The following JAK1 variants were observed in gnomAD, a reference collection of about 807,000 sequenced individuals.
The protein encoded by JAK1 is tyrosine-protein kinase JAK1.
JAK1 carries 16 observed loss-of-function variants against 136.6 expected under a neutral mutation model. That is an observed-to-expected ratio of 0.12 (90% confidence interval 0.08 to 0.18). The LOEUF (loss-of-function observed/expected upper bound fraction) is 0.18, where lower values mean the gene tolerates loss of function less well. Ranked by LOEUF, JAK1 falls within the 10% of genes least tolerant of loss-of-function variation. JAK1 has a pLI of 1.00. For missense variants in JAK1, 859 were observed against 1,450.1 expected (o/e 0.59, Z 6.62); for synonymous variants, 492 against 519.5 (o/e 0.95, Z 0.72).
chr1:64,835,639 T>A (rs571518631), intron 23 of JAK1, 133 bp from the exon 24 acceptor site: 2 of 638,024 alleles, frequency 3.1e-6, no homozygotes, highest in Admixed American at 6.2e-5. Flanking sequence ...CCTTAGTAAC[T>A]TTAAATAAAA....
chr1:65,053,172 C>T (rs931141902), intron 1 of JAK1, among the ~76,000 whole-genome samples: 2 of 151,172 alleles, frequency 1.3e-5, no homozygotes, highest in African/African-American at 4.9e-5. Flanking sequence ...ATGGCGAAAC[C>T]CCATCTCTAA....
chr1:64,850,314 G>A (rs1655507094), intron 12 of JAK1, among the ~76,000 whole-genome samples: 2 of 152,200 alleles, frequency 1.3e-5, no homozygotes, highest in East Asian at 1.9e-4. Context: ...CAAAGACTGG[G>A]ATCTGTTTCT....
chr1:64,839,390 C>A, intron 20 of JAK1: 1 of 454,896 alleles, frequency 2.2e-6, no homozygotes, highest in Admixed American at 4.2e-5. Context: ...TGGAACCAGC[C>A]CCTGGATGGA....
At chr1:64,935,275 GA>G (rs2100477521) in intron 1 of JAK1, among the ~76,000 whole-genome samples, 1 of 152,248 alleles carries the variant, frequency 6.6e-6, no homozygotes, top group African/African-American at 2.4e-5. Flanking sequence ...ATCAGCAGAT[GA>G]AATGAGAAAG....
At chr1:64,970,151 A>AAAAAAAC (rs1256701898), upstream of JAK1, among the ~76,000 whole-genome samples, 1,154 of 148,110 alleles carry the variant, frequency 7.8e-3, 56 homozygotes, top group African/African-American at 0.028. Context: ...AAAAAAAAAA[A>AAAAAAAC]AAAACGGCCG....
In JAK1 at chr1:64,900,996, G is replaced by A. The variant is rs149421339; in HGVS notation, c.-77-14655C>T. ...ACTTCTCCCATTTCCCAAGTGAGGC[G>A]TTCAGAGAGTCCTGTGCTTACCTTT... is the stretch of plus-strand genomic sequence containing the variant. On this transcript the variant is annotated intron_variant, in intron 1 of 24. Transcript: ENST00000342505. 1.7e-4 allele frequency among the ~76,000 whole-genome samples: 26 copies of A among 152,216 alleles called. 1 individual carries two copies. The highest frequency in any genetic ancestry group is 6.3e-4 in the African/African-American group (26 of 41,510).
intron 1 of JAK1, among the ~76,000 whole-genome samples, chr1:64,890,297 G>A (rs1017539555): frequency 6.6e-6 from 1 of 151,518 alleles, no homozygotes; most frequent in Non-Finnish European, 1.5e-5. Context: ...GCACAAATTA[G>A]GTGATCAAGA....
chr1:64,905,201 G>A (rs965350643), intron 1 of JAK1, among the ~76,000 whole-genome samples: 2 of 152,146 alleles, frequency 1.3e-5, no homozygotes, highest in African/African-American at 4.8e-5. Flanking sequence ...TCCCAGAACA[G>A]AGCCCACAGT....
At chr1:64,839,170 A>G (rs1654724626) in intron 20 of JAK1, among the ~76,000 whole-genome samples, 1 of 148,088 alleles carries the variant, frequency 6.8e-6, no homozygotes, top group Admixed American at 6.7e-5. Flanking sequence ...AAAAAAAAAA[A>G]TTATCATCAG....
chr1:64,857,540 C>T, intron 10 of JAK1, 116 bp downstream of exon 10: 1 of 1,400,336 alleles, frequency 7.1e-7, no homozygotes, highest in South Asian at 1.4e-5. Context: ...CTCAGAGACC[C>T]AGGCTTTTCA....
At chr1:64,846,907 T>A (rs1189929997) in intron 13 of JAK1, 171 bp from the exon 14 acceptor site, 2 of 597,464 alleles carry the variant, frequency 3.3e-6, no homozygotes, top group African/African-American at 3.7e-5. Flanking sequence ...CTGCCAAGCC[T>A]TGTTCTCTGG....
intron 1 of JAK1, among the ~76,000 whole-genome samples, chr1:64,931,381 G>A (rs2100448205): frequency 6.6e-6 from 1 of 152,130 alleles, no homozygotes; most frequent in East Asian, 1.9e-4. Context: ...CATTCCCATC[G>A]AAAGTAAGGT....
upstream of JAK1, among the ~76,000 whole-genome samples, chr1:64,970,441 C>G (rs1353603131): frequency 6.7e-6 from 1 of 148,450 alleles, no homozygotes; most frequent in Non-Finnish European, 1.5e-5. Context: ...AATTCCATCT[C>G]AAAAAAACAA....
At chr1:65,041,174 G>A (rs949205676) in intron 2 of JAK1, among the ~76,000 whole-genome samples, 2 of 152,128 alleles carry the variant, frequency 1.3e-5, no homozygotes, top group African/African-American at 4.8e-5. Context: ...CGCACGGGTC[G>A]GAGCAGCCAG....
chr1:64,849,389 T>G (rs567794032), intron 12 of JAK1, among the ~76,000 whole-genome samples: 1 of 152,260 alleles, frequency 6.6e-6, no homozygotes, highest in African/African-American at 2.4e-5. Flanking sequence ...AGAGATGGGA[T>G]CTCATTGTGT....
intron 2 of JAK1, chr1:65,022,857 C>T (rs1384996325): frequency 6.6e-6 from 1 of 152,106 alleles, no homozygotes; most frequent in Non-Finnish European, 1.5e-5. Flanking sequence ...GAAATTCAGT[C>T]TATTCTTAAG....
chr1:64,975,669 C>T (rs960135096), intron 2 of JAK1, among the ~76,000 whole-genome samples: 1 of 152,122 alleles, frequency 6.6e-6, no homozygotes, highest in South Asian at 2.1e-4. Context: ...TATGTGGTGA[C>T]GTGACCCAAA....
chr1:64,844,956 C>T lies in JAK1; in HGVS notation c.2116-67G>A. The stretch of plus-strand genomic sequence containing the variant: ...CCGCATTCTATTTCCAACCCTGGTC[C>T]CTCAGGTCATCTCTTCCTACCCCCA... On this transcript the variant is annotated intron_variant, in intron 15 of 24. Transcript: ENST00000342505. The surrounding 1 kb of genome is among the most constrained non-coding windows in gnomAD (Gnocchi z 5.7). 2 of 1,602,846 alleles carry T rather than the reference C, an allele frequency of 1.2e-6. No individual in the cohort carries two copies. Among genetic ancestry groups the T allele is most frequent in the Non-Finnish European group, 8.5e-7 (1 of 1,172,150 alleles).
At chr1:64,977,812 A>G (rs1207482820) in intron 2 of JAK1, among the ~76,000 whole-genome samples, 3 of 151,778 alleles carry the variant, frequency 2.0e-5, no homozygotes, top group Non-Finnish European at 2.9e-5. Flanking sequence ...CACTGTGCTA[A>G]GTACATATGT....
Sources: gnomAD v4.1 joint callset for allele counts (sites outside exome capture counted in the v4.1 genomes callset) on GRCh38, gnomAD v4.1.1 for gene constraint, Gnocchi (gnomAD v3.1) non-coding constraint, MANE v1.5 for transcripts, NCBI Gene and HGNC (gene_info 2026-07-23, HGNC 2026-07-21) for gene names.